SPEF2: variants seen among roughly 807,000 people sequenced by gnomAD.
SPEF2 encodes the protein sperm flagellar and cilia associated 2.
Under a neutral mutation model 224.6 loss-of-function variants are expected in SPEF2, and 187 were observed. The observed-to-expected ratio is 0.83, with a 90% CI of 0.74 to 0.94. The LOEUF (loss-of-function observed/expected upper bound fraction) is 0.94. SPEF2 is among the 40% of genes least tolerant of loss of function. The pLI, the probability that SPEF2 is intolerant of heterozygous loss-of-function variation, is 0.00. For missense variants in SPEF2, 2,170 were observed against 2,135.6 expected (o/e 1.02, Z -0.32); for synonymous variants, 715 against 707.3 (o/e 1.01, Z -0.17).
chr5:35,770,441 A>C (rs74976182), intron 26 of SPEF2, among the ~76,000 whole-genome samples: 5,527 of 152,166 alleles, frequency 0.036, 294 homozygotes, highest in South Asian at 0.12. Context: ...GCAAGATGTC[A>C]TCAGAGCTTA....
intron 28 of SPEF2, among the ~76,000 whole-genome samples, chr5:35,774,330 CAG>C (rs1187203730): frequency 6.6e-6 from 1 of 152,070 alleles, no homozygotes; most frequent in Non-Finnish European, 1.5e-5. Flanking sequence ...TCTCATAAAA[CAG>C]AAACAAAAGA....
At chr5:35,723,232 GA>G (rs199970940) in intron 20 of SPEF2, among the ~76,000 whole-genome samples, 17 of 152,008 alleles carry the variant, frequency 1.1e-4, no homozygotes, top group African/African-American at 3.6e-4. Context: ...AAGAACAGAG[GA>G]AAAAAGACAA....
chr5:35,647,445 G>GA (rs1747546194), intron 5 of SPEF2, among the ~76,000 whole-genome samples: 1 of 151,996 alleles, frequency 6.6e-6, no homozygotes, highest in Non-Finnish European at 1.5e-5. Context: ...ATTCATGAGG[G>GA]AAAAAGAGAG....
rs2149561322 is a variant in SPEF2, at chr5:35,700,497, G to A, written c.2143G>A (p.Glu715Lys). Residue 715 changes from glutamate to lysine, a missense_variant and splice_region_variant, in exon 16 of 37, where the codon GAG becomes AAG. Glu to Lys is a moderately conservative substitution (Grantham distance 56). Transcript: ENST00000356031. ...LVDIIVNAIN[E>K]IPVNQDCILD... is the part of the protein sequence containing the mutation. ...ATGAGTTGTCCTGTTTCAATTTAGTGAGATACCTGTGAATCAAGACTGTAT... is the reference window on the plus strand; with the variant it reads ...ATGAGTTGTCCTGTTTCAATTTAGTAAGATACCTGTGAATCAAGACTGTAT... 1.2e-6 allele frequency: 2 copies of A among 1,608,768 alleles called. No homozygotes were observed. Among genetic ancestry groups the A allele is most frequent in the Non-Finnish European group, 1.7e-6 (2 of 1,177,374 alleles).
chr5:35,741,206 G>C (rs1176110711), intron 23 of SPEF2, among the ~76,000 whole-genome samples: 1 of 152,162 alleles, frequency 6.6e-6, no homozygotes, highest in Non-Finnish European at 1.5e-5. Flanking sequence ...TTAGTCATAA[G>C]AGCTATGTAG....
intron 24 of SPEF2, among the ~76,000 whole-genome samples, chr5:35,755,703 A>T (rs1190495266): frequency 6.6e-6 from 1 of 152,128 alleles, no homozygotes; most frequent in African/African-American, 2.4e-5. Flanking sequence ...TCTGCCTCCC[A>T]GATTCAAGCA....
In SPEF2 at chr5:35,759,578, A is replaced by T. The variant is rs980365742; in HGVS notation, c.3479A>T (p.Asn1160Ile). The change falls in exon 25 of 37, where the codon AAC becomes ATC. Residue 1160 changes from asparagine to isoleucine, a missense_variant. Coordinates refer to ENST00000356031, the MANE Select transcript of SPEF2 (RefSeq NM_024867.4). ...CATTTGCTATTAAAGGCAGAGCTGAACCGTTTCCAAGATACAAAGAGACTC... is the reference window on the plus strand; with the variant it reads ...CATTTGCTATTAAAGGCAGAGCTGATCCGTTTCCAAGATACAAAGAGACTC... ...HFFSLMQAEL[N>I]RFQDTKRLLQ... is the part of the protein sequence containing the mutation. The T allele has an allele frequency of 1.3e-6, 2 of 1,593,598 alleles. No individual in the cohort carries two copies. Among genetic ancestry groups the T allele is most frequent in the African/African-American group, 2.7e-5 (2 of 74,686 alleles).
At chr5:35,740,069 G>A in intron 22 of SPEF2, 23 bp downstream of exon 22, 1 of 1,614,056 alleles carries the variant, frequency 6.2e-7, no homozygotes, top group East Asian at 2.2e-5. Context: ...TCCAAAGTCA[G>A]AATTTTACAG....
At position 35,789,662 on chromosome 5, in the gene SPEF2, C is replaced by T. The variant is rs578195165; in HGVS notation, c.4448-2678C>T. ...CCAGCCAAAATGTGGTGAGGGCTAC[C>T]GTGATTGGAAGTTTTAAATTGTGGC... is the stretch of plus-strand genomic sequence containing the variant. On this transcript the variant is annotated intron_variant, in intron 30 of 36. Coordinates refer to ENST00000356031, the MANE Select transcript of SPEF2 (RefSeq NM_024867.4). 40 of 637,148 alleles carry T rather than the reference C, an allele frequency of 6.3e-5. No individual in the cohort carries two copies. In the East Asian group the frequency reaches 6.8e-4, roughly 11 times the overall value. The allele number at this position is 637,148 out of a possible 1,614,324, so 39.5% of individuals were successfully genotyped here.
intron 10 of SPEF2, among the ~76,000 whole-genome samples, chr5:35,687,023 G>A (rs1243856808): frequency 6.6e-6 from 1 of 151,840 alleles, no homozygotes; most frequent in African/African-American, 2.4e-5. Context: ...TTTCCTTTGT[G>A]GTTTTCAGCT....
intron 20 of SPEF2, among the ~76,000 whole-genome samples, chr5:35,727,050 A>G (rs1306953653): frequency 1.5e-5 from 2 of 129,250 alleles, no homozygotes; most frequent in East Asian, 2.4e-4. Flanking sequence ...GCTTTCTCTC[A>G]TGACTTGATT....
At chr5:35,740,363 T>A in intron 23 of SPEF2, 96 bp downstream of exon 23, 3 of 1,485,098 alleles carry the variant, frequency 2.0e-6, no homozygotes, top group Non-Finnish European at 2.7e-6. Flanking sequence ...TTGTGAAGTA[T>A]GAGGATGAGA....
chr5:35,807,731 AGGACAAACCCCAGAGAAACT>A, intron 36 of SPEF2: 1 of 1,536,082 alleles, frequency 6.5e-7, no homozygotes, highest in Non-Finnish European at 8.7e-7. Context: ...GGAGAAACTA[AGGACAAACCCCAGAGAAACT>A]GGACAAACCC....
At chr5:35,740,337 C>T (rs978392740) in intron 23 of SPEF2, 70 bp downstream of exon 23, 24 of 1,573,552 alleles carry the variant, frequency 1.5e-5, no homozygotes, top group Non-Finnish European at 1.1e-5. Flanking sequence ...AACCCCAACT[C>T]ATTTGCTCCT....
intron 6 of SPEF2, among the ~76,000 whole-genome samples, chr5:35,654,103 A>G (rs753546713): frequency 4.1e-4 from 62 of 151,498 alleles, no homozygotes; most frequent in Non-Finnish European, 6.2e-4. Flanking sequence ...TCTACTAAAA[A>G]TACAAAATTA....
intron 23 of SPEF2, among the ~76,000 whole-genome samples, chr5:35,751,045 A>ATATATATATATG (rs1749446841): frequency 3.1e-5 from 2 of 64,346 alleles, no homozygotes; most frequent in Non-Finnish European, 6.2e-5. Flanking sequence ...ACACATATGT[A>ATATATATATATG]TATATATATA....
chr5:35,699,060 T>C (rs80291709), intron 15 of SPEF2: 8,324 of 152,278 alleles, frequency 0.055, 253 homozygotes, highest in African/African-American at 0.066. Flanking sequence ...GACAGTGACC[T>C]GAAGACAGCT....
chr5:35,783,361 T>G (rs1256017649), intron 30 of SPEF2, among the ~76,000 whole-genome samples: 1 of 152,178 alleles, frequency 6.6e-6, no homozygotes, highest in African/African-American at 2.4e-5. Context: ...TTACCACATC[T>G]GTAAAATGAG....
At chr5:35,810,088 AAAG>A (rs1758441495) in intron 36 of SPEF2, among the ~76,000 whole-genome samples, 1 of 152,218 alleles carries the variant, frequency 6.6e-6, no homozygotes, top group South Asian at 2.1e-4. Flanking sequence ...ATGAACTTGC[AAAG>A]AAGATTCTAT....
Sources: allele counts gnomAD v4.1 joint callset (sites outside exome capture counted in the v4.1 genomes callset), GRCh38; gene constraint gnomAD v4.1.1; transcripts MANE v1.5; gene names NCBI Gene and HGNC (gene_info 2026-07-23, HGNC 2026-07-21).